Variants in APOBEC1 observed in about 807,000 individuals in gnomAD.
The protein encoded by APOBEC1 is apolipoprotein B mRNA editing enzyme catalytic subunit 1, also known as C->U-editing enzyme APOBEC-1.
APOBEC1 carries 22 observed loss-of-function variants against 26.3 expected under a neutral mutation model. That is an observed-to-expected ratio of 0.84 (90% CI 0.60 to 1.19). The LOEUF is 1.19. Among genes scored for constraint, APOBEC1 ranks in the 50% most tolerant of loss-of-function variants. APOBEC1 has a pLI of 0.00. For missense variants in APOBEC1, 253 were observed against 289.0 expected (o/e 0.88, Z 0.90); for synonymous variants, 77 against 95.3 (o/e 0.81, Z 1.12).
At position 7,651,139 on chromosome 12, in the gene APOBEC1, A is replaced by C; in HGVS notation, c.445T>G (p.Tyr149Asp). The C allele has an allele frequency of 6.2e-7, 1 of 1,606,408 alleles. No homozygotes were observed. Among genetic ancestry groups the C allele is most frequent in the Non-Finnish European group, 8.5e-7 (1 of 1,173,264 alleles). ...VTIQIMRASEYYHCWRNFVNY... is the reference protein window; with the variant it reads ...VTIQIMRASEDYHCWRNFVNY... ...ACAAAATTCCTCCAGCAGTGATAAT[A>C]CTCTAAGGAAACACAAATCTTGGCT... Residue 149 changes from tyrosine to aspartate, a missense_variant and splice_region_variant, in exon 4 of 5, where the codon TAT becomes GAT. Physicochemically the swap from Tyr to Asp is radical, Grantham distance 160 (BLOSUM62 -3). Coordinates refer to ENST00000229304, the MANE Select transcript of APOBEC1 (RefSeq NM_001644.5).
intron 4 of APOBEC1, among the ~76,000 whole-genome samples, chr12:7,650,088 A>G (rs1454273248): frequency 6.6e-6 from 1 of 152,160 alleles, no homozygotes; most frequent in African/African-American, 2.4e-5. Flanking sequence ...AAGTGCTAGG[A>G]TTACAAGCAT....
chr12:7,652,935 A>G lies in APOBEC1; in HGVS notation c.45-100T>C, dbSNP rs138302046. 1.7e-3 allele frequency: 1,767 copies of G among 1,045,694 alleles called. 71 individuals carry two copies. The East Asian group carries it at 0.03, about 18-fold the overall frequency. 64.8% of individuals were successfully genotyped at this position (1,045,694 alleles called of 1,614,324 possible). A position where few individuals can be genotyped will look rare whatever the true frequency, so the allele number is the denominator to read the frequency against. On this transcript the variant is annotated intron_variant, in intron 2 of 4. Coordinates refer to ENST00000229304, the MANE Select transcript of APOBEC1 (RefSeq NM_001644.5). ...TTCTTTTTTTATTTTATTTTATTTT[A>G]TTTTATTTTTTTAAGATGGAGTCTC...
chr12:7,660,784 C>T (rs1050652994), intron 1 of APOBEC1, among the ~76,000 whole-genome samples: 1 of 150,768 alleles, frequency 6.6e-6, no homozygotes, highest in East Asian at 1.9e-4. Context: ...TCCTTTGCAG[C>T]AACATAGATG....
Position 7,652,672 on chromosome 12 carries a change from A to G in APOBEC1, c.208T>C (p.Phe70Leu), listed in dbSNP as rs1555093510. ...NHVEVNFIKK[F>L]TSERDFHPSM... ...GGGTGAAAATCTCTTTCTGACGTAA[A>G]TTTTTTTATAAAATTAACTTCCACG... The change falls in exon 3 of 5, where the codon TTT becomes CTT. Residue 70 changes from phenylalanine (F) to leucine (L), a missense_variant. Physicochemically the swap from Phe to Leu is conservative, Grantham distance 22 (BLOSUM62 0). Transcript: ENST00000229304. 1.2e-6 allele frequency: 2 copies of G among 1,613,988 alleles called. No individual in the cohort carries two copies. The highest frequency in any genetic ancestry group is 1.3e-5 in the African/African-American group (1 of 75,030).
chr12:7,660,376 G>GAAGGAAGGAAGGTAAGAAAGAA (rs1290120140), intron 1 of APOBEC1, among the ~76,000 whole-genome samples: 1 of 60,982 alleles, frequency 1.6e-5, no homozygotes, highest in Non-Finnish European at 4.1e-5. Flanking sequence ...AGGAAGGAAG[G>GAAGGAAGGAAGGTAAGAAAGAA]AAAGAAAGAA....
At chr12:7,668,386 G>A (rs1863918126), upstream of APOBEC1, among the ~76,000 whole-genome samples, 1 of 152,156 alleles carries the variant, frequency 6.6e-6, no homozygotes, top group Admixed American at 6.5e-5. Flanking sequence ...ATTTCATGAA[G>A]CGGCAATAGG....
rs1187625880 is a variant in APOBEC1 at position 7,652,483 on chromosome 12, C to A, written c.397G>T (p.Asp133Tyr). 1 of 1,614,078 alleles carries A rather than the reference C, an allele frequency of 6.2e-7. No homozygotes were observed. Among genetic ancestry groups the A allele is most frequent in the African/African-American group, 1.3e-5 (1 of 75,012 alleles). Residue 133 changes from aspartate to tyrosine, a missense_variant, in exon 3 of 5, where the codon GAC becomes TAC. Coordinates refer to ENST00000229304, the MANE Select transcript of APOBEC1 (RefSeq NM_001644.5). ...MDQQNRQGLR[D>Y]LVNSGVTIQI... ...ATAGTTACTCCACTGTTAACAAGGTCCCTGAGACCTTGCCGATTTTGTTGA... is the reference window on the plus strand; with the variant it reads ...ATAGTTACTCCACTGTTAACAAGGTACCTGAGACCTTGCCGATTTTGTTGA...
chr12:7,669,642 G>C (rs1054726251), upstream of APOBEC1, among the ~76,000 whole-genome samples: 22 of 152,102 alleles, frequency 1.4e-4, no homozygotes, highest in African/African-American at 5.3e-4. Flanking sequence ...CTGGGTTTGA[G>C]AAATCCTCCT....
intron 2 of APOBEC1, among the ~76,000 whole-genome samples, chr12:7,653,157 C>T (rs1424364167): frequency 2.6e-5 from 4 of 152,056 alleles, no homozygotes; most frequent in African/African-American, 9.7e-5. Flanking sequence ...GTCTCAAACT[C>T]CTGACCTTGT....
upstream of APOBEC1, among the ~76,000 whole-genome samples, chr12:7,667,291 G>A (rs770756925): frequency 6.6e-6 from 1 of 152,112 alleles, no homozygotes; most frequent in East Asian, 1.9e-4. Flanking sequence ...TGAACCCTGG[G>A]TCAAGTTCAA....
intron 1 of APOBEC1, among the ~76,000 whole-genome samples, chr12:7,662,694 A>T (rs1159428010): frequency 6.6e-6 from 1 of 152,242 alleles, no homozygotes. Context: ...AAAGAGGGAC[A>T]TTAAAGCTGA....
At chr12:7,667,651 G>A (rs1016812596), upstream of APOBEC1, among the ~76,000 whole-genome samples, 27 of 152,112 alleles carry the variant, frequency 1.8e-4, 1 homozygote, top group Admixed American at 1.0e-3. Context: ...GCAGTGGCTC[G>A]CGCCTGTAAT....
At chr12:7,651,368 C>A (rs1385442778) in intron 3 of APOBEC1, among the ~76,000 whole-genome samples, 3 of 152,148 alleles carry the variant, frequency 2.0e-5, no homozygotes, top group South Asian at 2.1e-4. Flanking sequence ...GTAATCCCAG[C>A]ACTTTGGGAG....
intron 1 of APOBEC1, 27 bp downstream of exon 1, chr12:7,665,830 C>T: frequency 6.3e-7 from 1 of 1,588,040 alleles, no homozygotes; most frequent in Non-Finnish European, 8.6e-7. Flanking sequence ...TTCAAGAATA[C>T]TTGCCAAGCC....
intron 1 of APOBEC1, among the ~76,000 whole-genome samples, chr12:7,659,932 GC>G (rs1392957005): frequency 4.6e-5 from 7 of 152,086 alleles, no homozygotes; most frequent in African/African-American, 1.7e-4. Context: ...TCAAGCCACT[GC>G]ACTCCAGCCT....
At chr12:7,659,135 A>C (rs1284253328) in intron 1 of APOBEC1, among the ~76,000 whole-genome samples, 1 of 149,060 alleles carries the variant, frequency 6.7e-6, no homozygotes, top group African/African-American at 2.5e-5. Context: ...TCTCTACTAA[A>C]AATACAAAAT....
At chr12:7,659,322 A>ATATATAT (rs1400952917) in intron 1 of APOBEC1, among the ~76,000 whole-genome samples, 2 of 46,284 alleles carry the variant, frequency 4.3e-5, no homozygotes, top group African/African-American at 1.3e-4. Flanking sequence ...AAAAAAAAAA[A>ATATATAT]ATATATATAT....
chr12:7,665,222 A>G (rs1863877089), intron 1 of APOBEC1, among the ~76,000 whole-genome samples: 1 of 152,292 alleles, frequency 6.6e-6, no homozygotes, highest in African/African-American at 2.4e-5. Flanking sequence ...TCATTTGTCA[A>G]TTAGCACATT....
At chr12:7,659,345 A>ATATATC (rs1863770517) in intron 1 of APOBEC1, among the ~76,000 whole-genome samples, 1 of 105,210 alleles carries the variant, frequency 9.5e-6, no homozygotes, top group Non-Finnish European at 1.9e-5. Context: ...ATATATATAT[A>ATATATC]TATATGTTTA....
Sources: gnomAD v4.1 joint callset for allele counts (sites outside exome capture counted in the v4.1 genomes callset) on GRCh38, gnomAD v4.1.1 for gene constraint, MANE v1.5 for transcripts, NCBI Gene and HGNC (gene_info 2026-07-23, HGNC 2026-07-21) for gene names.